The following KNDC1 variants were observed in gnomAD, a reference collection of about 807,000 sequenced individuals.
KNDC1 encodes kinase non-catalytic C-lobe domain containing 1, also known as kinase non-catalytic C-lobe domain-containing protein 1.
Under a neutral mutation model 172.8 loss-of-function variants are expected in KNDC1, and 106 were observed. That is an observed-to-expected ratio of 0.61 (90% CI 0.52 to 0.72). The LOEUF (loss-of-function observed/expected upper bound fraction) is 0.72, where lower values mean the gene tolerates loss of function less well. Ranked by LOEUF, KNDC1 falls within the 30% of genes least tolerant of loss-of-function variation. The pLI is 0.00. For missense variants in KNDC1, 2,325 were observed against 2,394.5 expected, an observed-to-expected ratio of 0.97 and a Z score of 0.61; for synonymous variants, 1,083 against 1,062.2, an observed-to-expected ratio of 1.02 and a Z score of -0.38.
chr10:133,207,832 C>A (rs1844594147), intron 20 of KNDC1, among the ~76,000 whole-genome samples: 2 of 152,212 alleles, frequency 1.3e-5, no homozygotes, highest in South Asian at 4.1e-4. Flanking sequence ...CGTACGTACG[C>A]CTGCAGCAGG....
chr10:133,199,329 C>G, intron 14 of KNDC1, 63 bp downstream of exon 14: 1 of 1,548,570 alleles, frequency 6.5e-7, no homozygotes, highest in Non-Finnish European at 8.7e-7. Context: ...ACAGGGGACT[C>G]GGGGCCGCCC....
At chr10:133,185,159 G>A (rs986812088) in intron 5 of KNDC1, among the ~76,000 whole-genome samples, 3 of 124,152 alleles carry the variant, frequency 2.4e-5, no homozygotes, top group Non-Finnish European at 3.8e-5. Context: ...CGGGAGGGGC[G>A]CAGTGTGGAG....
chr10:133,187,932 G>GC (rs1853967315), intron 6 of KNDC1, among the ~76,000 whole-genome samples: 1 of 118,212 alleles, frequency 8.5e-6, no homozygotes, highest in Non-Finnish European at 1.7e-5. Context: ...CATGAGCCTG[G>GC]CCCCTGCACC....
At chr10:133,182,476 C>T (rs1026619988) in intron 3 of KNDC1, among the ~76,000 whole-genome samples, 7 of 146,626 alleles carry the variant, frequency 4.8e-5, no homozygotes, top group African/African-American at 1.9e-4. Flanking sequence ...AGCTGTGTGA[C>T]CTGCGATGTG....
intron 3 of KNDC1, among the ~76,000 whole-genome samples, chr10:133,179,834 G>C (rs989003800): frequency 1.3e-5 from 2 of 152,150 alleles, no homozygotes; most frequent in African/African-American, 4.8e-5. Flanking sequence ...TGTGGCCTAA[G>C]GTGTGATCAT....
At chr10:133,198,529 C>T in intron 13 of KNDC1, 30 bp downstream of exon 13, 2 of 1,585,668 alleles carry the variant, frequency 1.3e-6, no homozygotes, top group Admixed American at 1.7e-5. Context: ...CCCGGAGCTG[C>T]TGGGTCCCGG....
chr10:133,222,015 C>T (rs1845602863), intron 29 of KNDC1, among the ~76,000 whole-genome samples: 1 of 146,516 alleles, frequency 6.8e-6, no homozygotes, highest in African/African-American at 2.5e-5. Flanking sequence ...GGCGCGGTGG[C>T]TCACGCCAGT....
At chr10:133,204,258 G>T (rs111278936) in intron 17 of KNDC1, among the ~76,000 whole-genome samples, 6 of 152,202 alleles carry the variant, frequency 3.9e-5, no homozygotes, top group African/African-American at 9.7e-5. Flanking sequence ...CCTTGATGAT[G>T]GAATGTTCTA....
intron 16 of KNDC1, 39 bp from the exon 17 acceptor site, chr10:133,201,462 G>T: frequency 6.5e-7 from 1 of 1,547,676 alleles, no homozygotes; most frequent in Non-Finnish European, 8.7e-7. Flanking sequence ...CCGCCCACAG[G>T]AGCCACTGTC....
chr10:133,166,779 C>T (rs1236291653), intron 1 of KNDC1, among the ~76,000 whole-genome samples: 1 of 151,788 alleles, frequency 6.6e-6, no homozygotes, highest in East Asian at 1.9e-4. Flanking sequence ...TGGCAACCAT[C>T]GTGATCACAG....
chr10:133,194,741 C>G (rs538971626), intron 9 of KNDC1, among the ~76,000 whole-genome samples: 3 of 152,320 alleles, frequency 2.0e-5, no homozygotes, highest in South Asian at 2.1e-4. Flanking sequence ...GGAGTACTTA[C>G]ACCAGGGAAA....
chr10:133,187,925 G>C, intron 6 of KNDC1, among the ~76,000 whole-genome samples: 1 of 110,422 alleles, frequency 9.1e-6, no homozygotes, highest in Non-Finnish European at 1.7e-5. Context: ...CCACCTCCAT[G>C]AGCCTGGCCC....
At chr10:133,165,465 C>T (rs1269093239) in intron 1 of KNDC1, among the ~76,000 whole-genome samples, 2 of 152,154 alleles carry the variant, frequency 1.3e-5, no homozygotes, top group African/African-American at 4.8e-5. Flanking sequence ...GCCAGAGGCA[C>T]CCCAGGGCCC....
At chr10:133,217,273 G>C (rs1176338254) in intron 26 of KNDC1, among the ~76,000 whole-genome samples, 1 of 152,272 alleles carries the variant, frequency 6.6e-6, no homozygotes, top group African/African-American at 2.4e-5. Flanking sequence ...TTAAACCGAT[G>C]AAGAAACAGA....
chr10:133,195,910 G>T, intron 10 of KNDC1, 89 bp downstream of exon 10: 1 of 1,309,948 alleles, frequency 7.6e-7, no homozygotes, highest in Non-Finnish European at 1.0e-6. Context: ...GAGGAGCACG[G>T]GCTGCCAGTG....
Position 133,225,332 on chromosome 10 carries a change from T to A in KNDC1, c.*442T>A. ...AGCAGGTTTCTGAGCCAGCCTGGGT[T>A]GGCTGAGCAACGAAGGGCCAAAGCT... On this transcript the variant is annotated 3_prime_UTR_variant, in exon 30 of 30. Transcript: ENST00000304613. 1 of 199,494 alleles carries A rather than the reference T, an allele frequency of 5.0e-6. No homozygotes were observed. Among genetic ancestry groups the A allele is most frequent in the Non-Finnish European group, 1.0e-5 (1 of 97,422 alleles). 12.4% of individuals were successfully genotyped at this position (199,494 alleles called of 1,614,324 possible).
chr10:133,219,348 G>A (rs1243204769), intron 28 of KNDC1, among the ~76,000 whole-genome samples: 5 of 152,246 alleles, frequency 3.3e-5, no homozygotes, highest in African/African-American at 1.2e-4. Flanking sequence ...GTGCCCAGAG[G>A]ACAGCACTGA....
In KNDC1 at chr10:133,222,446, CGTGT is replaced by C. The variant is rs72179908; in HGVS notation, c.5019-2199_5019-2196del. ...GCCCATCCAGGCATGCTCTTCCCGGCGTGTGTGTGTGTGTGTGAGAGCCCATCCA... is the reference window on the plus strand; with the variant it reads ...GCCCATCCAGGCATGCTCTTCCCGGCGTGTGTGTGTGTGAGAGCCCATCCA... On this transcript the variant is annotated intron_variant, in intron 29 of 29. Coordinates refer to ENST00000304613, the MANE Select transcript of KNDC1 (RefSeq NM_152643.8). 1.2e-3 allele frequency among the ~76,000 whole-genome samples: 51 copies of C among 42,900 alleles called. 1 individual carries two copies. The highest frequency in any genetic ancestry group is 2.6e-3 in the East Asian group (3 of 1,158). 28.1% of individuals were successfully genotyped at this position (42,900 alleles called of 152,430 possible). A position where few individuals can be genotyped will look rare whatever the true frequency, so the allele number is the denominator to read the frequency against.
chr10:133,161,044 G>C (rs1006688918), intron 1 of KNDC1, among the ~76,000 whole-genome samples: 3 of 151,964 alleles, frequency 2.0e-5, no homozygotes, highest in Admixed American at 2.0e-4. Flanking sequence ...CCTGCTCTCT[G>C]GTTTTCCGGG....
Sources: gnomAD v4.1 joint callset for allele counts (sites outside exome capture counted in the v4.1 genomes callset) on GRCh38, gnomAD v4.1.1 for gene constraint, MANE v1.5 for transcripts, NCBI Gene and HGNC (gene_info 2026-07-23, HGNC 2026-07-21) for gene names.